ENO1: variants seen among roughly 807,000 people sequenced by gnomAD.
ENO1 encodes the protein alpha-enolase.
ENO1 carries 33 observed loss-of-function variants against 46.3 expected under a neutral mutation model. That is an observed-to-expected ratio of 0.71 (90% confidence interval 0.54 to 0.95). The LOEUF (loss-of-function observed/expected upper bound fraction) is 0.95. Among genes scored for constraint, ENO1 ranks in the 40% least tolerant of loss-of-function variants. ENO1 has a pLI of 0.00. For synonymous variants in ENO1, 220 were observed against 216.0 expected, an observed-to-expected ratio of 1.02 and a Z score of -0.16; for missense variants, 488 against 553.3, an observed-to-expected ratio of 0.88 and a Z score of 1.18.
At chr1:8,878,335 G>C in intron 1 of ENO1, 1 of 303,284 alleles carries the variant, frequency 3.3e-6, no homozygotes, top group South Asian at 2.5e-5. Flanking sequence ...ATCACGTGTT[G>C]ATCTGCACTT....
chr1:8,861,776 G>GT (rs1343205482), intron 11 of ENO1, among the ~76,000 whole-genome samples: 3 of 145,274 alleles, frequency 2.1e-5, no homozygotes, highest in African/African-American at 7.6e-5. Context: ...TAATGCTTTT[G>GT]TTTTTTAAAA....
At chr1:8,877,055 T>A (rs890239454) in intron 1 of ENO1, among the ~76,000 whole-genome samples, 3 of 150,864 alleles carry the variant, frequency 2.0e-5, no homozygotes, top group Non-Finnish European at 2.9e-5. Context: ...AGTGACACGA[T>A]CTCGACTCAC....
chr1:8,870,569 AT>A, intron 3 of ENO1, 59 bp from the exon 4 acceptor site: 1 of 1,609,972 alleles, frequency 6.2e-7, no homozygotes, highest in East Asian at 2.2e-5. Flanking sequence ...CTTGAGCAGC[AT>A]TGTTAGAGAG....
chr1:8,876,464 A>G (rs1642734189), intron 1 of ENO1, among the ~76,000 whole-genome samples: 1 of 152,242 alleles, frequency 6.6e-6, no homozygotes, highest in South Asian at 2.1e-4. Flanking sequence ...AAGTTATCTC[A>G]GGCCATTTCC....
intron 3 of ENO1, 108 bp downstream of exon 3, chr1:8,871,783 T>C (rs1363267479): frequency 2.2e-5 from 29 of 1,328,960 alleles, no homozygotes; most frequent in Non-Finnish European, 3.0e-5. Flanking sequence ...CAGGTTTACC[T>C]GCCATAAACC....
At chr1:8,872,543 C>T (rs1477536031) in intron 2 of ENO1, among the ~76,000 whole-genome samples, 5 of 152,088 alleles carry the variant, frequency 3.3e-5, no homozygotes, top group South Asian at 2.1e-4. Context: ...CCACCACGCC[C>T]GGCTAGTTTT....
intron 3 of ENO1, chr1:8,871,107 C>T (rs1349728987): frequency 1.2e-5 from 14 of 1,197,500 alleles, no homozygotes; most frequent in African/African-American, 1.6e-5. Flanking sequence ...CATTAAACAA[C>T]GGTCAAATGG....
intron 2 of ENO1, 122 bp from the exon 3 acceptor site, chr1:8,872,108 G>C (rs984758268): frequency 1.2e-5 from 9 of 771,760 alleles, no homozygotes; most frequent in South Asian, 3.2e-5. Flanking sequence ...CCTACCAGCT[G>C]TGTGAATTAA....
At position 8,878,502 on chromosome 1, in the gene ENO1, T is replaced by A. The variant is rs29000587; in HGVS notation, c.-10+78A>T. 1.6e-3 allele frequency: 670 copies of A among 407,184 alleles called. 13 individuals are homozygous for A. In the East Asian group the frequency reaches 0.045, roughly 27 times the overall value. The allele number at this position is 407,184 out of a possible 1,614,324, so 25.2% of individuals were successfully genotyped here. On this transcript the variant is annotated intron_variant, in intron 1 of 11. Coordinates refer to ENST00000234590, the MANE Select transcript of ENO1 (RefSeq NM_001428.5). The stretch of plus-strand genomic sequence containing the variant: ...TGGGCCTGCGGGCGCGCCGCCTCCC[T>A]CGGAGGGAAAAGAGCCCCACAAGCC...
rs1379202512 is a variant in ENO1, at chr1:8,871,813, CAG to C, written c.181+76_181+77del. 3.4e-6 allele frequency: 5 copies of C among 1,492,114 alleles called. No homozygotes were observed. In the South Asian group the frequency reaches 4.6e-5, roughly 14 times the overall value. 92.4% of individuals were successfully genotyped at this position (1,492,114 alleles called of 1,614,324 possible). A position where few individuals can be genotyped will look rare whatever the true frequency, so the allele number is the denominator to read the frequency against. On this transcript the variant is annotated intron_variant, in intron 3 of 11. Transcript: ENST00000234590. ...TAAACCTGCAAGTGCAAGTGCCACC[CAG>C]AGAGGACAGGACTGGGCAAGGCCAG...
chr1:8,872,494 T>C (rs1642654328), intron 2 of ENO1, among the ~76,000 whole-genome samples: 1 of 151,958 alleles, frequency 6.6e-6, no homozygotes, highest in African/African-American at 2.4e-5. Flanking sequence ...GCGATTCTCC[T>C]GCATCAGGCT....
chr1:8,863,509 T>A (rs1293866704), intron 9 of ENO1, among the ~76,000 whole-genome samples, 166 bp from the exon 10 acceptor site: 1 of 152,076 alleles, frequency 6.6e-6, no homozygotes, highest in Non-Finnish European at 1.5e-5. Flanking sequence ...ACCCTCACCC[T>A]CCCCTGAACT....
At chr1:8,870,962 CAG>C in intron 3 of ENO1, 1 of 1,246,980 alleles carries the variant, frequency 8.0e-7, no homozygotes, top group Non-Finnish European at 1.0e-6. Flanking sequence ...GAGTGAGAGA[CAG>C]TGAGGGGGCA....
At chr1:8,872,354 C>A (rs4908519) in intron 2 of ENO1, among the ~76,000 whole-genome samples, 2 of 151,798 alleles carry the variant, frequency 1.3e-5, no homozygotes, top group Non-Finnish European at 2.9e-5. Context: ...AAATCCAATG[C>A]GAGCCACACA....
Position 8,863,470 on chromosome 1 carries a change from C to T in ENO1, c.1068-127G>A, listed in dbSNP as rs1342332192. The T allele has an allele frequency of 7.6e-6, 7 of 925,568 alleles. No individual in the cohort carries two copies. The South Asian group carries it at 1.0e-4, about 14-fold the overall frequency. 57.3% of individuals were successfully genotyped at this position (925,568 alleles called of 1,614,324 possible). A position where few individuals can be genotyped will look rare whatever the true frequency, so the allele number is the denominator to read the frequency against. The stretch of plus-strand genomic sequence containing the variant: ...CTGTTAATGGCTAAAGCCCTCCATG[C>T]CTGGGCTTTGTCAAGAGCACAGAGG... On this transcript the variant is annotated intron_variant, in intron 9 of 11. Coordinates refer to ENST00000234590, the MANE Select transcript of ENO1 (RefSeq NM_001428.5).
chr1:8,866,179 G>T, intron 7 of ENO1, 100 bp downstream of exon 7: 1 of 1,025,084 alleles, frequency 9.8e-7, no homozygotes, highest in Middle Eastern at 2.9e-4. Flanking sequence ...ACTACAGGTG[G>T]AAAGAATAGA....
chr1:8,878,436 C>T (rs1294955637), intron 1 of ENO1, 144 bp downstream of exon 1: 1 of 343,140 alleles, frequency 2.9e-6, no homozygotes, highest in Non-Finnish European at 5.7e-6. Flanking sequence ...CCAGTTCCCA[C>T]CCAGGGAGGC....
At chr1:8,877,020 C>T (rs1485946636) in intron 1 of ENO1, among the ~76,000 whole-genome samples, 2 of 150,440 alleles carry the variant, frequency 1.3e-5, no homozygotes, top group Non-Finnish European at 3.0e-5. Context: ...GACGGAGTCG[C>T]GCTCTTTCGC....
At chr1:8,868,579 T>C (rs931867305) in intron 4 of ENO1, among the ~76,000 whole-genome samples, 1 of 152,236 alleles carries the variant, frequency 6.6e-6, no homozygotes, top group African/African-American at 2.4e-5. Context: ...GCAAAGCGTC[T>C]AATGATGGAT....
Sources: gnomAD v4.1 joint callset for allele counts (sites outside exome capture counted in the v4.1 genomes callset) on GRCh38, gnomAD v4.1.1 for gene constraint, MANE v1.5 for transcripts, NCBI Gene and HGNC (gene_info 2026-07-23, HGNC 2026-07-21) for gene names.